The following RARB variants were observed in gnomAD, a reference collection of about 807,000 sequenced individuals.
RARB encodes HBV-activated protein.
Under a neutral mutation model 51.9 loss-of-function variants are expected in RARB, and 17 were observed. The ratio of observed to expected loss-of-function variants is 0.33; its 90% CI spans 0.22 to 0.49. The LOEUF (loss-of-function observed/expected upper bound fraction) is 0.49. RARB is among the 20% of genes least tolerant of loss of function. RARB has a pLI of 0.99. For synonymous variants in RARB, 215 were observed against 195.4 expected, an observed-to-expected ratio of 1.10 and a Z score of -0.84; for missense variants, 369 against 550.8, an observed-to-expected ratio of 0.67 and a Z score of 3.30.
At chr3:25,308,506 T>G (rs964251199) in intron 5 of RARB, among the ~76,000 whole-genome samples, 1 of 150,022 alleles carries the variant, frequency 6.7e-6, no homozygotes, top group Non-Finnish European at 1.5e-5. Context: ...TGGAGTGCAG[T>G]GGCGTGGTCT....
rs10638799 is a variant in RARB at position 25,597,775 on chromosome 3, A to ATTTTT, written c.*1167_*1171dup. ...TAGTTCTCATTTAAGCACTAGTGGA[A>ATTTTT]TTTTTTTTTTTTGATATATTAGCAA... On this transcript the variant is annotated 3_prime_UTR_variant, in exon 8 of 8. Transcript: ENST00000330688. 1 of 149,826 alleles carries ATTTTT rather than the reference A, an allele frequency of 6.7e-6. No individual in the cohort carries two copies. Among genetic ancestry groups the ATTTTT allele is most frequent in the Admixed American group, 6.7e-5 (1 of 14,994 alleles). 9.3% of individuals were successfully genotyped at this position (149,826 alleles called of 1,614,324 possible). A position where few individuals can be genotyped will look rare whatever the true frequency, so the allele number is the denominator to read the frequency against.
chr3:25,152,405 C>T (rs966312107), intron 4 of RARB, among the ~76,000 whole-genome samples: 1 of 151,964 alleles, frequency 6.6e-6, no homozygotes, highest in Admixed American at 6.6e-5. Context: ...CTTCTTGGGT[C>T]CAAAGAGGGT....
At chr3:25,143,979 C>T (rs1425273052) in intron 4 of RARB, among the ~76,000 whole-genome samples, 1 of 152,130 alleles carries the variant, frequency 6.6e-6, no homozygotes, top group Admixed American at 6.6e-5. Context: ...ACCCAGTTCA[C>T]TTTCTATGAA....
At chr3:25,433,274 T>C (rs1444183691) in intron 1 of RARB, among the ~76,000 whole-genome samples, 1 of 152,272 alleles carries the variant, frequency 6.6e-6, no homozygotes, top group African/African-American at 2.4e-5. Flanking sequence ...GCCAGATATT[T>C]AATATTACAA....
At chr3:25,280,680 C>A (rs927043005) in intron 5 of RARB, among the ~76,000 whole-genome samples, 2 of 152,126 alleles carry the variant, frequency 1.3e-5, no homozygotes, top group African/African-American at 4.8e-5. Context: ...AAATTAGGAT[C>A]CAGGTCCCTC....
At chr3:25,462,312 A>T (rs1695227347) in intron 2 of RARB, 1 of 152,214 alleles carries the variant, frequency 6.6e-6, no homozygotes, top group African/African-American at 2.4e-5. Context: ...TTTTCAGGAA[A>T]GAAAAGAAAC....
intron 2 of RARB, among the ~76,000 whole-genome samples, chr3:25,009,791 G>T (rs942215785): frequency 1.3e-5 from 2 of 152,042 alleles, no homozygotes; most frequent in Non-Finnish European, 2.9e-5. Context: ...ATGCTCATTT[G>T]CCTTATTCTG....
intron 5 of RARB, among the ~76,000 whole-genome samples, chr3:25,397,493 A>T (rs1025882957): frequency 2.0e-5 from 3 of 152,212 alleles, no homozygotes; most frequent in Non-Finnish European, 4.4e-5. Flanking sequence ...AAAAGTTCAC[A>T]GTGTGAGTCT....
At chr3:25,076,178 G>C (rs745578700) in intron 3 of RARB, among the ~76,000 whole-genome samples, 184 of 149,708 alleles carry the variant, frequency 1.2e-3, no homozygotes, top group Non-Finnish European at 2.3e-3. Flanking sequence ...ATCTCTCTCT[G>C]TCGCCCAGGC....
chr3:24,897,938 G>A (rs893628759), intron 2 of RARB, among the ~76,000 whole-genome samples: 1 of 152,146 alleles, frequency 6.6e-6, no homozygotes, highest in East Asian at 1.9e-4. Context: ...TATTTTCCCA[G>A]AAGCATCTCG....
chr3:25,434,063 G>A (rs1708320407), intron 1 of RARB, among the ~76,000 whole-genome samples: 1 of 152,124 alleles, frequency 6.6e-6, no homozygotes, highest in Non-Finnish European at 1.5e-5. Flanking sequence ...TGCCCCCTGC[G>A]CGATAAGGCG....
chr3:25,365,697 G>C (rs575223206), intron 5 of RARB, among the ~76,000 whole-genome samples: 8 of 152,260 alleles, frequency 5.3e-5, no homozygotes, highest in African/African-American at 1.9e-4. Flanking sequence ...TGTTATCTGG[G>C]CTAGGATAAT....
intron 1 of RARB, among the ~76,000 whole-genome samples, chr3:25,438,036 G>A (rs374885140): frequency 2.0e-5 from 3 of 152,140 alleles, no homozygotes; most frequent in African/African-American, 4.8e-5. Flanking sequence ...CCTCTGCTCC[G>A]CATGCTGTCA....
chr3:24,957,995 A>C (rs1384172651), intron 2 of RARB, among the ~76,000 whole-genome samples: 1 of 152,200 alleles, frequency 6.6e-6, no homozygotes, highest in Non-Finnish European at 1.5e-5. Context: ...AGCATAATTT[A>C]ATTGTAAGTT....
Position 25,112,784 on chromosome 3 carries a change from G to T in RARB, c.-327-19377G>T, listed in dbSNP as rs904849550. ...CAGAGTGAGACCCTGTCTAAAAAAG[G>T]GAAAAAAAGCCAATGGTTTTCCTAA... On this transcript the variant is annotated intron_variant, in intron 3 of 11. Transcript: ENST00000383772. Among the ~76,000 whole-genome samples, 3 of 151,990 alleles carry T rather than the reference G, an allele frequency of 2.0e-5. No homozygotes were observed. In the East Asian group the frequency reaches 5.8e-4, roughly 29 times the overall value.
intron 1 of RARB, among the ~76,000 whole-genome samples, chr3:25,429,174 G>A (rs566479990): frequency 6.6e-6 from 1 of 152,196 alleles, no homozygotes; most frequent in Admixed American, 6.5e-5. Context: ...TGTGGGGGGT[G>A]GGGAGTAGAG....
chr3:25,571,638 C>G (rs980870683), intron 4 of RARB, among the ~76,000 whole-genome samples: 3 of 152,200 alleles, frequency 2.0e-5, no homozygotes, highest in African/African-American at 7.2e-5. Flanking sequence ...GAATGTGACC[C>G]CATGTATCCA....
At chr3:25,084,277 C>A (rs973169096) in intron 3 of RARB, among the ~76,000 whole-genome samples, 1 of 152,172 alleles carries the variant, frequency 6.6e-6, no homozygotes, top group Non-Finnish European at 1.5e-5. Flanking sequence ...ACAACTCTCT[C>A]ATGTGTTTCC....
At chr3:25,092,415 G>A (rs567340643) in intron 3 of RARB, among the ~76,000 whole-genome samples, 1 of 152,124 alleles carries the variant, frequency 6.6e-6, no homozygotes, top group South Asian at 2.1e-4. Flanking sequence ...TCTCTATTCT[G>A]CTAATTTGTA....
Sources: allele counts gnomAD v4.1 joint callset (sites outside exome capture counted in the v4.1 genomes callset), GRCh38; gene constraint gnomAD v4.1.1; transcripts MANE v1.5; gene names NCBI Gene and HGNC (gene_info 2026-07-23, HGNC 2026-07-21).